FAM228B: variants seen among roughly 807,000 people sequenced by gnomAD.
FAM228B encodes protein FAM228B.
FAM228B carries 38 observed loss-of-function variants against 42.6 expected under a neutral mutation model. That is an observed-to-expected ratio of 0.89 (90% confidence interval 0.69 to 1.17). The LOEUF (loss-of-function observed/expected upper bound fraction) is 1.17. Ranked by LOEUF, FAM228B falls within the 50% of genes most tolerant of loss-of-function variation. The pLI is 0.00. For missense variants in FAM228B, 344 were observed against 367.3 expected (o/e 0.94, Z 0.52); for synonymous variants, 109 against 122.3 (o/e 0.89, Z 0.72).
intron 10 of FAM228B, 98 bp downstream of exon 10, chr2:24,167,781 G>T: frequency 7.2e-7 from 1 of 1,387,292 alleles, no homozygotes; most frequent in Non-Finnish European, 9.9e-7. Context: ...CAGTGGGAGG[G>T]AGGAAAGAGA....
At chr2:24,158,036 C>A (rs1667193446) in intron 7 of FAM228B, among the ~76,000 whole-genome samples, 1 of 151,902 alleles carries the variant, frequency 6.6e-6, no homozygotes. Context: ...TTTAGTGATT[C>A]CTGTGTCCCT....
intron 2 of FAM228B, among the ~76,000 whole-genome samples, chr2:24,087,066 T>A (rs558644082): frequency 6.6e-6 from 1 of 152,302 alleles, no homozygotes; most frequent in South Asian, 2.1e-4. Context: ...AACCACTAAG[T>A]ATACTAAAGT....
At chr2:24,115,118 C>G (rs1665873489) in intron 3 of FAM228B, among the ~76,000 whole-genome samples, 1 of 152,200 alleles carries the variant, frequency 6.6e-6, no homozygotes, top group Non-Finnish European at 1.5e-5. Context: ...GGAGGGGTAA[C>G]ACTGAGCTCA....
chr2:24,099,378 G>A (rs568062658), intron 3 of FAM228B, among the ~76,000 whole-genome samples: 11 of 152,216 alleles, frequency 7.2e-5, no homozygotes, highest in African/African-American at 1.4e-4. Flanking sequence ...AAACCCCATC[G>A]TCTCAGCCCA....
intron 3 of FAM228B, among the ~76,000 whole-genome samples, chr2:24,105,093 C>T (rs1361976897): frequency 6.6e-6 from 1 of 152,278 alleles, no homozygotes; most frequent in Non-Finnish European, 1.5e-5. Context: ...CCACCCACCC[C>T]CGCGTCCTGT....
intron 3 of FAM228B, among the ~76,000 whole-genome samples, chr2:24,108,384 T>C (rs533913060): frequency 2.0e-5 from 3 of 152,060 alleles, no homozygotes; most frequent in Non-Finnish European, 4.4e-5. Context: ...GCTGGTACCA[T>C]TCCAACAGAA....
In FAM228B at chr2:24,164,328, C is replaced by G. The variant is rs1010474167; in HGVS notation, c.925C>G (p.Gln309Glu). Residue 309 changes from glutamine to glutamate, a missense_variant, in exon 9 of 11, where the codon CAG becomes GAG. Gln to Glu is a conservative substitution (Grantham distance 29, BLOSUM62 2). Transcript: ENST00000615575. Reference sequence around the variant, plus strand: ...CCTCAGCCAGGAACGGGAGGAAGACCAGGATGGGTAAGAGCTGGGGCTGTC... The same window carrying G: ...CCTCAGCCAGGAACGGGAGGAAGACGAGGATGGGTAAGAGCTGGGGCTGTC... ...LSLSQEREED[Q>E]DGSPSPRLGL... 6.4e-7 allele frequency: 1 copy of G among 1,550,438 alleles called. No homozygotes were observed. The highest frequency in any genetic ancestry group is 2.0e-5 in the Admixed American group (1 of 50,954).
intron 5 of FAM228B, among the ~76,000 whole-genome samples, chr2:24,144,074 A>G (rs945070964): frequency 6.6e-6 from 1 of 152,146 alleles, no homozygotes; most frequent in Non-Finnish European, 1.5e-5. Context: ...GCTTGTCAGT[A>G]GAGATAGGTG....
chr2:24,083,495 C>G (rs934662796), intron 2 of FAM228B, among the ~76,000 whole-genome samples: 9 of 152,284 alleles, frequency 5.9e-5, no homozygotes, highest in East Asian at 1.9e-4. Context: ...GCGCTAGGCT[C>G]TGTGCTCACT....
chr2:24,132,847 T>A (rs1005636535), intron 2 of FAM228B, among the ~76,000 whole-genome samples: 6 of 152,206 alleles, frequency 3.9e-5, no homozygotes, highest in Admixed American at 3.3e-4. Flanking sequence ...AACTTGTCTT[T>A]CCTGAAGTTG....
intron 9 of FAM228B, among the ~76,000 whole-genome samples, 182 bp from the exon 10 acceptor site, chr2:24,167,445 T>G (rs544121485): frequency 6.6e-6 from 1 of 152,214 alleles, no homozygotes; most frequent in East Asian, 1.9e-4. Flanking sequence ...GGGTGTGATT[T>G]TAGAGCAAAT....
intron 2 of FAM228B, among the ~76,000 whole-genome samples, chr2:24,081,351 C>T (rs1003913573): frequency 6.6e-6 from 1 of 152,076 alleles, no homozygotes; most frequent in African/African-American, 2.4e-5. Context: ...TTACCTATAA[C>T]ACCAAAATGC....
chr2:24,101,223 T>C (rs1359678640), intron 3 of FAM228B, among the ~76,000 whole-genome samples: 2 of 152,284 alleles, frequency 1.3e-5, no homozygotes, highest in East Asian at 3.9e-4. Context: ...GTATCAAACC[T>C]GCACATTGTG....
intron 2 of FAM228B, among the ~76,000 whole-genome samples, chr2:24,130,931 A>C (rs1235027965): frequency 6.6e-6 from 1 of 152,120 alleles, no homozygotes; most frequent in Non-Finnish European, 1.5e-5. Context: ...TTTGGGTTTT[A>C]CATTTAAGTC....
At chr2:24,137,186 A>G (rs1017180682) in intron 3 of FAM228B, among the ~76,000 whole-genome samples, 1 of 152,142 alleles carries the variant, frequency 6.6e-6, no homozygotes, top group African/African-American at 2.4e-5. Context: ...TTATCTGTTC[A>G]TCTCTTGATG....
rs1667506474 is a variant in FAM228B, at chr2:24,169,109, A to G, written c.*15-247A>G. ...GGGGTTCCCTCAAATCATGTCACAC[A>G]TCAGTGATCCACCCCATCTATTTGA... On this transcript the variant is annotated intron_variant, in intron 10 of 10. Coordinates refer to ENST00000615575, the MANE Select transcript of FAM228B (RefSeq NM_001145710.2). This position sits in a 1 kb window ranked among gnomAD's most constrained non-coding sequence, Gnocchi z 4.2. 6.6e-6 allele frequency among the ~76,000 whole-genome samples: 1 copy of G among 152,208 alleles called. No individual in the cohort carries two copies. Among genetic ancestry groups the G allele is most frequent in the Non-Finnish European group, 1.5e-5 (1 of 68,034 alleles).
chr2:24,142,326 C>T (rs1666772111), intron 5 of FAM228B, among the ~76,000 whole-genome samples: 1 of 152,246 alleles, frequency 6.6e-6, no homozygotes. Flanking sequence ...ATGACCCTCT[C>T]TATCTTCCTT....
chr2:24,084,417 AGGGGC>A lies in FAM228B; in HGVS notation c.-210+3463_-210+3467del. 1 of 1,421,166 alleles carries A rather than the reference AGGGGC, an allele frequency of 7.0e-7. No homozygotes were observed. Among genetic ancestry groups the A allele is most frequent in the Non-Finnish European group, 9.3e-7 (1 of 1,074,670 alleles). The allele number at this position is 1,421,166 out of a possible 1,614,324, so 88.0% of individuals were successfully genotyped here. A position where few individuals can be genotyped will look rare whatever the true frequency, so the allele number is the denominator to read the frequency against. On this transcript the variant is annotated intron_variant, in intron 2 of 10. Transcript: ENST00000613899. The surrounding 1 kb of genome is among the most constrained non-coding windows in gnomAD (Gnocchi z 8.4). ...AGGGCAGGGCAGGACAGGACAGGGCAGGGGCCGCTGTATCCTCGCGGAGCAGCCCA... is the reference window on the plus strand; with the variant it reads ...AGGGCAGGGCAGGACAGGACAGGGCACGCTGTATCCTCGCGGAGCAGCCCA...
intron 2 of FAM228B, among the ~76,000 whole-genome samples, chr2:24,130,891 G>A (rs1666438977): frequency 6.6e-6 from 1 of 152,088 alleles, no homozygotes; most frequent in Non-Finnish European, 1.5e-5. Flanking sequence ...GAATGTTATT[G>A]CCTATGTTTT....
Sources: allele counts gnomAD v4.1 joint callset (sites outside exome capture counted in the v4.1 genomes callset), GRCh38; gene constraint gnomAD v4.1.1; non-coding constraint Gnocchi (gnomAD v3.1); transcripts MANE v1.5; gene names NCBI Gene and HGNC (gene_info 2026-07-23, HGNC 2026-07-21).